The following CUX1 variants were observed in gnomAD, a reference collection of about 807,000 sequenced individuals.
The protein encoded by CUX1 is cut like homeobox 1.
In CUX1, 31 loss-of-function variants were observed where a neutral mutation model predicts 158.8. The observed-to-expected ratio is 0.20, with a 90% CI of 0.15 to 0.26. CUX1 has a LOEUF of 0.26. CUX1 is among the 10% of genes least tolerant of loss of function. The pLI is 1.00. For missense variants in CUX1, 1,589 were observed against 2,014.6 expected, an observed-to-expected ratio of 0.79 and a Z score of 4.04; for synonymous variants, 879 against 862.1, an observed-to-expected ratio of 1.02 and a Z score of -0.34.
At chr7:102,182,433 C>T (rs1586090226) in intron 11 of CUX1, among the ~76,000 whole-genome samples, 1 of 152,138 alleles carries the variant, frequency 6.6e-6, no homozygotes, top group South Asian at 2.1e-4. Flanking sequence ...TGAGATTTCT[C>T]CTCTTCCCTC....
At chr7:102,211,124 C>T (rs1796466180) in intron 20 of CUX1, among the ~76,000 whole-genome samples, 1 of 152,122 alleles carries the variant, frequency 6.6e-6, no homozygotes, top group Admixed American at 6.6e-5. Context: ...AGGCTGATTG[C>T]ACCCCTGGGC....
At chr7:102,149,885 G>C (rs1291549864) in intron 8 of CUX1, among the ~76,000 whole-genome samples, 1 of 152,102 alleles carries the variant, frequency 6.6e-6, no homozygotes, top group Non-Finnish European at 1.5e-5. Context: ...GGTCCAGCGA[G>C]CCCCACCTCT....
chr7:102,050,017 A>G (rs866232073), intron 3 of CUX1, among the ~76,000 whole-genome samples: 52 of 152,202 alleles, frequency 3.4e-4, no homozygotes, highest in African/African-American at 1.2e-3. Flanking sequence ...ACTGTGGACC[A>G]GAACACCCCC....
At chr7:102,153,074 G>C (rs1012847834) in intron 8 of CUX1, among the ~76,000 whole-genome samples, 1 of 152,250 alleles carries the variant, frequency 6.6e-6, no homozygotes. Flanking sequence ...GCGTCAGTGG[G>C]ACTGATTTTT....
At chr7:102,034,792 G>A (rs1227668955) in intron 3 of CUX1, among the ~76,000 whole-genome samples, 1 of 150,788 alleles carries the variant, frequency 6.6e-6, no homozygotes, top group African/African-American at 2.4e-5. Context: ...AATTAGCTGG[G>A]TGTGGTGGGT....
chr7:101,829,685 C>T (rs1352258755), intron 1 of CUX1, among the ~76,000 whole-genome samples: 2 of 20,458 alleles, frequency 9.8e-5, no homozygotes, highest in South Asian at 1.8e-3. Context: ...GAAATGGGGC[C>T]GGGGTGGGTG....
intron 3 of CUX1, among the ~76,000 whole-genome samples, chr7:102,037,502 G>A (rs1428394908): frequency 4.6e-5 from 7 of 151,606 alleles, no homozygotes; most frequent in African/African-American, 7.3e-5. Flanking sequence ...ACAAGCATGC[G>A]CCACCACGCC....
intron 8 of CUX1, among the ~76,000 whole-genome samples, chr7:102,129,194 C>A (rs1554496359): frequency 6.6e-6 from 1 of 152,200 alleles, no homozygotes; most frequent in Non-Finnish European, 1.5e-5. Context: ...CACTGCAAGA[C>A]CTACTCATCC....
At chr7:101,832,810 G>A (rs995547919) in intron 1 of CUX1, among the ~76,000 whole-genome samples, 11 of 152,226 alleles carry the variant, frequency 7.2e-5, no homozygotes, top group East Asian at 1.9e-4. Context: ...TGGGCGCGTC[G>A]GAGCGGCTGC....
chr7:102,042,173 A>G (rs1481220792), intron 3 of CUX1, among the ~76,000 whole-genome samples: 1 of 152,172 alleles, frequency 6.6e-6, no homozygotes, highest in African/African-American at 2.4e-5. Flanking sequence ...GGACCAGATC[A>G]GTGGCTCCCA....
At chr7:101,952,240 G>C (rs1167685998) in intron 2 of CUX1, among the ~76,000 whole-genome samples, 1 of 152,140 alleles carries the variant, frequency 6.6e-6, no homozygotes, top group African/African-American at 2.4e-5. Flanking sequence ...ACAAAAATTA[G>C]CTAGGCGTGG....
chr7:102,151,542 G>A (rs1038245814), intron 8 of CUX1, among the ~76,000 whole-genome samples: 2 of 151,424 alleles, frequency 1.3e-5, no homozygotes, highest in African/African-American at 2.4e-5. Flanking sequence ...CAACAAGAGC[G>A]AAACTCCATC....
At chr7:102,134,749 C>T (rs1833710687) in intron 8 of CUX1, among the ~76,000 whole-genome samples, 3 of 152,118 alleles carry the variant, frequency 2.0e-5, no homozygotes, top group Admixed American at 6.6e-5. Context: ...AGGCAAGTGC[C>T]ACCACACCCA....
At chr7:102,278,744 T>G (rs1791817885) in intron 18 of CUX1, among the ~76,000 whole-genome samples, 1 of 141,360 alleles carries the variant, frequency 7.1e-6, no homozygotes, top group Admixed American at 7.0e-5. Flanking sequence ...TAAAATAAAA[T>G]AAAATAGAAA....
intron 3 of CUX1, among the ~76,000 whole-genome samples, chr7:102,042,904 T>G (rs979966347): frequency 2.0e-5 from 3 of 151,572 alleles, no homozygotes; most frequent in African/African-American, 7.3e-5. Context: ...ATCTTCCTGC[T>G]TCAGCCTCCC....
chr7:102,003,195 G>A lies in CUX1; in HGVS notation c.142-24903G>A, dbSNP rs576314761. On this transcript the variant is annotated intron_variant, in intron 2 of 23. Transcript: ENST00000292535. ...ATTACAGGCGTGAGCCACCAAGCTC[G>A]GCCCAGAGGGACTCTCTAGAGAGGC... Among the ~76,000 whole-genome samples, 8 of 151,902 alleles carry A rather than the reference G, an allele frequency of 5.3e-5. No homozygotes were observed. The East Asian group carries it at 9.7e-4, about 18-fold the overall frequency.
At chr7:101,980,448 G>A (rs2129213272) in intron 2 of CUX1, among the ~76,000 whole-genome samples, 1 of 152,328 alleles carries the variant, frequency 6.6e-6, no homozygotes, top group Non-Finnish European at 1.5e-5. Context: ...GGTCGAGGCT[G>A]CAGTCAGCTG....
At chr7:102,084,932 A>C (rs1827813520) in intron 4 of CUX1, among the ~76,000 whole-genome samples, 1 of 143,612 alleles carries the variant, frequency 7.0e-6, no homozygotes, top group African/African-American at 2.6e-5. Context: ...GAAAGCAGAC[A>C]TCCTTGCCTT....
chr7:102,165,332 A>C (rs1183498475), intron 9 of CUX1, among the ~76,000 whole-genome samples: 1 of 146,170 alleles, frequency 6.8e-6, no homozygotes, highest in Non-Finnish European at 1.5e-5. Context: ...CCAATCGGGC[A>C]CTGCGGTTAG....
Sources: allele counts gnomAD v4.1 joint callset (sites outside exome capture counted in the v4.1 genomes callset), GRCh38; gene constraint gnomAD v4.1.1; transcripts MANE v1.5; gene names NCBI Gene and HGNC (gene_info 2026-07-23, HGNC 2026-07-21).